RETREG3: variants seen among roughly 807,000 people sequenced by gnomAD.
The protein encoded by RETREG3 is reticulophagy regulator 3.
A neutral mutation model predicts 50.2 loss-of-function variants in RETREG3; 23 were observed. That is an observed-to-expected ratio of 0.46 (90% CI 0.33 to 0.65). The LOEUF (loss-of-function observed/expected upper bound fraction) is 0.65. RETREG3 is among the 30% of genes least tolerant of loss of function. The pLI, the probability that RETREG3 is intolerant of heterozygous loss-of-function variation, is 0.02. For synonymous variants in RETREG3, 240 were observed against 234.4 expected (o/e 1.02, Z -0.22); for missense variants, 546 against 598.0 (o/e 0.91, Z 0.91).
In RETREG3 at chr17:42,581,744, C is replaced by A; in HGVS notation, c.*69G>T. On this transcript the variant is annotated 3_prime_UTR_variant, in exon 9 of 9. Coordinates refer to ENST00000309428, the MANE Select transcript of RETREG3 (RefSeq NM_178126.4). ...GAGGGGAGCTGAGTTCTTCCCTTGC[C>A]CCATCACCTTAAGTGGGATGGGGAG... 1 of 1,398,710 alleles carries A rather than the reference C, an allele frequency of 7.1e-7. No homozygotes were observed. The highest frequency in any genetic ancestry group is 2.4e-5 in the East Asian group (1 of 42,454). 86.6% of individuals were successfully genotyped at this position (1,398,710 alleles called of 1,614,324 possible).
At chr17:42,609,388 C>G (rs2093175721), upstream of RETREG3, 1 of 1,505,452 alleles carries the variant, frequency 6.6e-7, no homozygotes, top group African/African-American at 1.4e-5. Context: ...AGCAACTGCG[C>G]AGATGCGCGA....
Position 42,609,308 on chromosome 17 carries a change from C to T in RETREG3, c.17G>A (p.Gly6Glu). The T allele has an allele frequency of 6.2e-7, 1 of 1,600,300 alleles. No homozygotes were observed. Among genetic ancestry groups the T allele is most frequent in the Non-Finnish European group, 8.5e-7 (1 of 1,179,194 alleles). Residue 6 changes from glycine (G) to glutamate (E), a missense_variant, in exon 1 of 9, where the codon GGG becomes GAG. By Grantham distance (98) the Gly-to-Glu change is moderately conservative. Coordinates refer to ENST00000309428, the MANE Select transcript of RETREG3 (RefSeq NM_178126.4). MAEAEGVPTTPGPASG... is the reference protein window; with the variant it reads MAEAEEVPTTPGPASG... ...AGCCGGGCCTGGGGTCGTGGGAACC[C>T]CTTCGGCCTCAGCCATCTCCCCGCG...
chr17:42,589,305 T>TA (rs1195830376), intron 2 of RETREG3, among the ~76,000 whole-genome samples: 1 of 152,230 alleles, frequency 6.6e-6, no homozygotes, highest in Non-Finnish European at 1.5e-5. Context: ...GCCTAAAATC[T>TA]ACATCAGTTT....
Position 42,586,860 on chromosome 17 carries a change from C to A in RETREG3, c.409G>T (p.Val137Leu), listed in dbSNP as rs148877628. 1.2e-6 allele frequency: 2 copies of A among 1,614,048 alleles called. No homozygotes were observed. The highest frequency in any genetic ancestry group is 1.7e-6 in the Non-Finnish European group (2 of 1,179,994). ...WGFVHPRLLS[V>L]PELCHHVAEV... Reference sequence around the variant, plus strand: ...GCTACATGGTGGCAGAGCTCGGGCACGCTGAGCAACCGAGGGTGCACAAAG... The same window carrying A: ...GCTACATGGTGGCAGAGCTCGGGCAAGCTGAGCAACCGAGGGTGCACAAAG... The change falls in exon 4 of 9, where the codon GTG becomes TTG. Residue 137 changes from valine to leucine, a missense_variant. Val to Leu is a conservative substitution (Grantham distance 32). Coordinates refer to ENST00000309428, the MANE Select transcript of RETREG3 (RefSeq NM_178126.4).
chr17:42,587,672 A>C, intron 3 of RETREG3, 162 bp downstream of exon 3: 1 of 779,496 alleles, frequency 1.3e-6, no homozygotes, highest in South Asian at 1.6e-5. Flanking sequence ...ATCTCAACAT[A>C]TTGCTGCCTG....
rs535847504 is a variant in RETREG3, at chr17:42,608,969, AG to A, written c.239+116del. Reference sequence around the variant, plus strand: ...GAGTGGAAGGAGGTGAGGCAAAATTAGGCAAGTACAGGAAGGAGCCAGTGCA... The same window carrying A: ...GAGTGGAAGGAGGTGAGGCAAAATTAGCAAGTACAGGAAGGAGCCAGTGCA... On this transcript the variant is annotated intron_variant, in intron 1 of 8. Coordinates refer to ENST00000309428, the MANE Select transcript of RETREG3 (RefSeq NM_178126.4). The A allele has an allele frequency of 3.4e-4, 354 of 1,053,876 alleles. 1 individual carries two copies. In the South Asian group the frequency reaches 5.3e-3, roughly 16 times the overall value. The allele number at this position is 1,053,876 out of a possible 1,614,324, so 65.3% of individuals were successfully genotyped here. A position where few individuals can be genotyped will look rare whatever the true frequency, so the allele number is the denominator to read the frequency against.
chr17:42,584,835 AAAC>A (rs1416756341), intron 6 of RETREG3, among the ~76,000 whole-genome samples: 97 of 151,518 alleles, frequency 6.4e-4, no homozygotes, highest in Non-Finnish European at 1.3e-3. Flanking sequence ...AAAAAAAAAA[AAAC>A]AAACCACAAA....
chr17:42,607,633 C>T (rs2093170558), intron 1 of RETREG3, among the ~76,000 whole-genome samples: 1 of 151,610 alleles, frequency 6.6e-6, no homozygotes, highest in Non-Finnish European at 1.5e-5. Context: ...GGAGAAACCC[C>T]ATCTCTACTA....
chr17:42,597,619 A>ATTTTT (rs869223820), intron 1 of RETREG3, among the ~76,000 whole-genome samples: 2 of 14,368 alleles, frequency 1.4e-4, no homozygotes, highest in African/African-American at 7.2e-4. Flanking sequence ...ATATATATAT[A>ATTTTT]TTTTTTTTTT....
At chr17:42,608,468 G>C (rs1445286941) in intron 1 of RETREG3, among the ~76,000 whole-genome samples, 1 of 152,178 alleles carries the variant, frequency 6.6e-6, no homozygotes, top group East Asian at 1.9e-4. Flanking sequence ...TACAATCACA[G>C]GTGGCTTTGA....
intron 6 of RETREG3, 110 bp downstream of exon 6, chr17:42,585,015 A>C: frequency 4.9e-5 from 64 of 1,302,976 alleles, no homozygotes; most frequent in East Asian, 1.2e-4. Flanking sequence ...CACCCCCACC[A>C]ACTACCCCCG....
At chr17:42,586,272 A>G in intron 4 of RETREG3, 135 bp from the exon 5 acceptor site, 1 of 752,548 alleles carries the variant, frequency 1.3e-6, no homozygotes, top group African/African-American at 1.7e-5. Flanking sequence ...TTGCATCCAA[A>G]GGTGATTCTG....
chr17:42,594,137 G>C (rs570267949), intron 1 of RETREG3, among the ~76,000 whole-genome samples: 2 of 151,928 alleles, frequency 1.3e-5, no homozygotes, highest in African/African-American at 4.8e-5. Context: ...TGCAGTGAGC[G>C]GAGATCGCAC....
At chr17:42,592,017 A>G (rs2093134264) in intron 2 of RETREG3, 39 bp downstream of exon 2, 1 of 1,533,784 alleles carries the variant, frequency 6.5e-7, no homozygotes, top group Admixed American at 1.7e-5. Flanking sequence ...AGGAAAGGCC[A>G]TCTTCAGTTC....
At chr17:42,597,980 T>G (rs941501862) in intron 1 of RETREG3, among the ~76,000 whole-genome samples, 5 of 141,054 alleles carry the variant, frequency 3.5e-5, no homozygotes, top group African/African-American at 2.7e-5. Flanking sequence ...TCTGAAGTTT[T>G]TTTTTTTTTT....
chr17:42,586,171 C>A, intron 4 of RETREG3, 34 bp from the exon 5 acceptor site: 1 of 1,606,994 alleles, frequency 6.2e-7, no homozygotes, highest in South Asian at 1.1e-5. Flanking sequence ...AAGTTTCTGT[C>A]ACATGGCAGG....
chr17:42,600,056 A>G (rs1312780796), intron 1 of RETREG3, among the ~76,000 whole-genome samples: 1 of 152,054 alleles, frequency 6.6e-6, no homozygotes, highest in Non-Finnish European at 1.5e-5. Context: ...TTGTGGGGAA[A>G]AAAAGAGTTT....
chr17:42,604,888 G>C (rs1375916340), intron 1 of RETREG3, among the ~76,000 whole-genome samples: 3 of 151,922 alleles, frequency 2.0e-5, no homozygotes, highest in Non-Finnish European at 4.4e-5. Flanking sequence ...ATCCTGTCAG[G>C]ATACATGCTT....
intron 1 of RETREG3, among the ~76,000 whole-genome samples, chr17:42,601,308 C>A (rs1482547375): frequency 2.0e-5 from 3 of 150,518 alleles, no homozygotes; most frequent in Admixed American, 6.7e-5. Context: ...GACGGTGGCT[C>A]AAGCCTGTAA....
Sources: gnomAD v4.1 joint callset for allele counts (sites outside exome capture counted in the v4.1 genomes callset) on GRCh38, gnomAD v4.1.1 for gene constraint, MANE v1.5 for transcripts, NCBI Gene and HGNC (gene_info 2026-07-23, HGNC 2026-07-21) for gene names.